Variants in ZNF143 observed in about 807,000 individuals in gnomAD.
ZNF143 encodes the protein zinc finger protein 143, also known as SPH-binding factor.
In ZNF143, 49 loss-of-function variants were observed where a neutral mutation model predicts 74.1. That is an observed-to-expected ratio of 0.66 (90% CI 0.53 to 0.84). ZNF143 has a LOEUF of 0.84. Among genes scored for constraint, ZNF143 ranks in the 40% least tolerant of loss-of-function variants. The probability of loss-of-function intolerance (pLI) is 0.00; values close to 1 mark genes in which losing one functional copy is unlikely to be tolerated. For synonymous variants in ZNF143, 304 were observed against 282.8 expected (o/e 1.07, Z -0.75); for missense variants, 637 against 793.4 (o/e 0.80, Z 2.37).
rs139219630 is a variant in ZNF143 at position 9,516,823 on chromosome 11, T to G, written c.1686+461T>G. On this transcript the variant is annotated intron_variant, in intron 14 of 15. Coordinates refer to ENST00000396602, the MANE Select transcript of ZNF143 (RefSeq NM_003442.6). Reference sequence around the variant, plus strand: ...TCTTGCCTCCACAGATAATCAACTTTTATCAGTTTTTTGTGTATTCTTCCA... The same window carrying G: ...TCTTGCCTCCACAGATAATCAACTTGTATCAGTTTTTTGTGTATTCTTCCA... Among the ~76,000 whole-genome samples, 216 of 152,316 alleles carry G rather than the reference T, an allele frequency of 1.4e-3. 2 individuals carry two copies. Among genetic ancestry groups the G allele is most frequent in the African/African-American group, 5.1e-3 (212 of 41,574 alleles).
intron 6 of ZNF143, 38 bp downstream of exon 6, chr11:9,478,624 A>G: frequency 6.4e-7 from 1 of 1,560,728 alleles, no homozygotes; most frequent in Middle Eastern, 1.7e-4. Context: ...TTGCAGATAT[A>G]GCTTCTTTAT....
rs151068380 is a variant in ZNF143, at chr11:9,499,836, A to G, written c.968-1255A>G. 5.0e-3 allele frequency among the ~76,000 whole-genome samples: 762 copies of G among 152,380 alleles called. 8 individuals carry two copies. The highest frequency in any genetic ancestry group is 0.014 in the Middle Eastern group (4 of 294). On this transcript the variant is annotated intron_variant, in intron 10 of 15. Coordinates refer to ENST00000396602, the MANE Select transcript of ZNF143 (RefSeq NM_003442.6). ...ATTTGAGCTCATCCTAGAAAAGGGT[A>G]CATGAGAATCAAAAGCAAAGGCTAC...
intron 3 of ZNF143, 121 bp downstream of exon 3, chr11:9,472,890 A>C: frequency 2.3e-6 from 1 of 436,520 alleles, no homozygotes. Flanking sequence ...GCATATGATG[A>C]TTTTAAGTCA....
intron 1 of ZNF143, chr11:9,462,011 C>A (rs1272457761): frequency 2.0e-5 from 3 of 152,122 alleles, no homozygotes; most frequent in Non-Finnish European, 4.4e-5. Context: ...CCAGAAGATA[C>A]TTGTGTTTTC....
chr11:9,493,071 CTT>C (rs148050807), intron 7 of ZNF143, among the ~76,000 whole-genome samples: 7 of 137,282 alleles, frequency 5.1e-5, no homozygotes, highest in Non-Finnish European at 1.6e-5. Flanking sequence ...ATTATGCCTA[CTT>C]TTTTTTTTTT....
intron 12 of ZNF143, among the ~76,000 whole-genome samples, chr11:9,509,673 A>T (rs1213768023): frequency 6.6e-6 from 1 of 152,174 alleles, no homozygotes; most frequent in African/African-American, 2.4e-5. Context: ...TTTGTTGGAG[A>T]GTAAGGGAAA....
intron 11 of ZNF143, 22 bp downstream of exon 11, chr11:9,501,292 G>A: frequency 6.2e-7 from 1 of 1,607,904 alleles, no homozygotes; most frequent in Non-Finnish European, 8.5e-7. Flanking sequence ...TGATCTTTTG[G>A]TCTTTTATCT....
At chr11:9,521,005 T>C (rs1044056856) in intron 14 of ZNF143, among the ~76,000 whole-genome samples, 45 of 152,236 alleles carry the variant, frequency 3.0e-4, no homozygotes, top group African/African-American at 1.1e-3. Context: ...TTTTTAGAGC[T>C]GTTATAGGTC....
intron 14 of ZNF143, among the ~76,000 whole-genome samples, chr11:9,522,722 G>A (rs1223139334): frequency 1.3e-5 from 2 of 152,008 alleles, no homozygotes; most frequent in African/African-American, 4.8e-5. Context: ...TCGAACTGCT[G>A]ACCTCAGGTG....
At position 9,510,314 on chromosome 11, in the gene ZNF143, C is replaced by T. The variant is rs552677585; in HGVS notation, c.1375+1468C>T. On this transcript the variant is annotated intron_variant, in intron 12 of 15. Coordinates refer to ENST00000396602, the MANE Select transcript of ZNF143 (RefSeq NM_003442.6). ...TAATTTTTTGTGTTTTTAATAGAGACGGGGTTTCACCGTGTTAGCCAGGAT... is the reference window on the plus strand; with the variant it reads ...TAATTTTTTGTGTTTTTAATAGAGATGGGGTTTCACCGTGTTAGCCAGGAT... 2.0e-3 allele frequency among the ~76,000 whole-genome samples: 303 copies of T among 151,898 alleles called. 4 individuals carry two copies. The highest frequency in any genetic ancestry group is 1.9e-3 in the East Asian group (10 of 5,148).
In ZNF143 at chr11:9,471,427, A is replaced by G. The variant is rs1262835546; in HGVS notation, c.112+7A>G. ...GAGGCAGTCACCGTGGCAGGTGAGC[A>G]GTTGTGTTTGAAGGGATGCGTTTGA... is the stretch of plus-strand genomic sequence containing the variant. On this transcript the variant is annotated splice_region_variant and intron_variant, in intron 2 of 15. Coordinates refer to ENST00000396602, the MANE Select transcript of ZNF143 (RefSeq NM_003442.6). 1 of 1,578,172 alleles carries G rather than the reference A, an allele frequency of 6.3e-7. No individual in the cohort carries two copies. Among genetic ancestry groups the G allele is most frequent in the South Asian group, 1.2e-5 (1 of 83,878 alleles).
At position 9,464,800 on chromosome 11, in the gene ZNF143, G is replaced by A. The variant is rs1325282946; in HGVS notation, c.-8+3724G>A. 5.3e-5 allele frequency among the ~76,000 whole-genome samples: 8 copies of A among 150,370 alleles called. 1 individual carries two copies. The highest frequency in any genetic ancestry group is 2.0e-4 in the African/African-American group (8 of 40,796). On this transcript the variant is annotated intron_variant, in intron 1 of 15. Transcript: ENST00000396602. ...TAGCTGGGCATGGTGGCGGGCACCT[G>A]TAATCCCAGCTACTCAGGAGGCTGA...
chr11:9,488,653 A>T (rs1017496190), intron 7 of ZNF143, among the ~76,000 whole-genome samples: 3 of 152,152 alleles, frequency 2.0e-5, no homozygotes, highest in Non-Finnish European at 4.4e-5. Context: ...ATTATATTCT[A>T]TTATAATCCT....
At chr11:9,473,784 G>A (rs1338904981) in intron 3 of ZNF143, 157 bp from the exon 4 acceptor site, 5 of 1,547,178 alleles carry the variant, frequency 3.2e-6, no homozygotes, top group Non-Finnish European at 4.3e-6. Context: ...TAGGATCACT[G>A]GATGTGTTAT....
At chr11:9,475,286 GAGATA>G (rs933736314) in intron 5 of ZNF143, among the ~76,000 whole-genome samples, 4 of 152,050 alleles carry the variant, frequency 2.6e-5, no homozygotes, top group Non-Finnish European at 5.9e-5. Context: ...CTGTATTTTA[GAGATA>G]AGATCTTTGT....
intron 7 of ZNF143, among the ~76,000 whole-genome samples, chr11:9,485,758 A>C (rs1847448408): frequency 6.6e-6 from 1 of 151,562 alleles, no homozygotes; most frequent in South Asian, 2.1e-4. Flanking sequence ...CATTTTTAAA[A>C]ATTCAAGTTG....
chr11:9,483,747 ATTC>A (rs1847345281), intron 7 of ZNF143, among the ~76,000 whole-genome samples: 1 of 141,822 alleles, frequency 7.1e-6, no homozygotes, highest in South Asian at 2.2e-4. Flanking sequence ...CCCGGCCGGA[ATTC>A]TTTTTTTTTT....
In ZNF143 at chr11:9,474,633, G is replaced by A; in HGVS notation, c.373G>A (p.Asp125Asn). The change falls in exon 5 of 16, where the codon GAT (aspartate) becomes AAT (asparagine). Residue 125 changes from aspartate to asparagine, a missense_variant and splice_region_variant. This residue lies in a region of ZNF143 where 293 missense variants were observed against 307.8 expected (regional missense o/e 0.95). Coordinates refer to ENST00000396602, the MANE Select transcript of ZNF143 (RefSeq NM_003442.6). ...AGCATTTATTCACCACACCTCCAAA[G>A]GTAAAATAACTTTGAAAGTATGAAT... ...TTAFIHHTSK[D>N]SYDQSALQAV... 1.2e-6 allele frequency: 2 copies of A among 1,613,894 alleles called. No homozygotes were observed. Among genetic ancestry groups the A allele is most frequent in the South Asian group, 1.1e-5 (1 of 91,068 alleles).
chr11:9,505,126 AC>A (rs1848313901), intron 11 of ZNF143, among the ~76,000 whole-genome samples: 1 of 119,270 alleles, frequency 8.4e-6, no homozygotes, highest in African/African-American at 2.7e-5. Context: ...GGCGCATACC[AC>A]CATGCCCAGC....
Sources: allele counts gnomAD v4.1 joint callset (sites outside exome capture counted in the v4.1 genomes callset), GRCh38; gene constraint gnomAD v4.1.1; regional missense constraint gnomAD v4.1.1; transcripts MANE v1.5; gene names NCBI Gene and HGNC (gene_info 2026-07-23, HGNC 2026-07-21).